CDH8: variants seen among roughly 807,000 people sequenced by gnomAD.
CDH8 encodes cadherin 8.
A neutral mutation model predicts 68.1 loss-of-function variants in CDH8; 17 were observed. That is an observed-to-expected ratio of 0.25 (90% CI 0.17 to 0.37). The LOEUF (loss-of-function observed/expected upper bound fraction) is 0.37. Among genes scored for constraint, CDH8 ranks in the 10% least tolerant of loss-of-function variants. The probability of loss-of-function intolerance (pLI) is 1.00; values close to 1 mark genes in which losing one functional copy is unlikely to be tolerated. For synonymous variants in CDH8, 372 were observed against 365.1 expected (o/e 1.02, Z -0.21); for missense variants, 763 against 999.3 (o/e 0.76, Z 3.19).
intron 1 of CDH8, among the ~76,000 whole-genome samples, chr16:62,025,440 G>A (rs1438982638): frequency 6.6e-6 from 1 of 152,072 alleles, no homozygotes. Flanking sequence ...GGTGTGAGGG[G>A]CAACTGAGTG....
intron 2 of CDH8, among the ~76,000 whole-genome samples, chr16:62,013,956 G>A (rs1045368944): frequency 6.6e-6 from 1 of 152,146 alleles, no homozygotes; most frequent in Non-Finnish European, 1.5e-5. Context: ...AAATATGCAA[G>A]ATTCTTCTTA....
At chr16:62,027,397 T>G (rs1902220481) in intron 1 of CDH8, among the ~76,000 whole-genome samples, 1 of 152,178 alleles carries the variant, frequency 6.6e-6, no homozygotes, top group African/African-American at 2.4e-5. Flanking sequence ...AAGTTCAAAA[T>G]GATGAACAAC....
At chr16:61,781,490 T>A (rs984085090) in intron 8 of CDH8, among the ~76,000 whole-genome samples, 1 of 152,208 alleles carries the variant, frequency 6.6e-6, no homozygotes, top group Non-Finnish European at 1.5e-5. Context: ...GCATGATGGC[T>A]TGTGCCTGTA....
Position 61,766,102 on chromosome 16 carries a change from A to G in CDH8, c.1414+23244T>C, listed in dbSNP as rs11075439. Among the ~76,000 whole-genome samples, 3,412 of 152,052 alleles carry G rather than the reference A, an allele frequency of 0.022. 265 individuals are homozygous for G. The East Asian group carries it at 0.24, about 11-fold the overall frequency. On this transcript the variant is annotated intron_variant, in intron 8 of 11. Transcript: ENST00000577390. ...TGCAACCATCACCCAAGTAGTGTAC[A>G]TTGTACCCAATAGGTAGTGTTTTGT...
intron 10 of CDH8, among the ~76,000 whole-genome samples, chr16:61,713,042 A>G (rs1038817082): frequency 2.6e-5 from 4 of 151,788 alleles, no homozygotes; most frequent in Non-Finnish European, 3.0e-5. Flanking sequence ...AGCCTGAGAC[A>G]TTGCTTATAT....
intron 3 of CDH8, among the ~76,000 whole-genome samples, chr16:61,864,292 C>CGGTTGGTTGGTT (rs59862418): frequency 2.1e-5 from 3 of 146,096 alleles, no homozygotes; most frequent in Non-Finnish European, 3.0e-5. Context: ...GCTGGATGTC[C>CGGTTGGTTGGTT]GGTTGGTTGG....
chr16:61,989,251 T>C (rs1965676930), intron 2 of CDH8, among the ~76,000 whole-genome samples: 1 of 152,216 alleles, frequency 6.6e-6, no homozygotes, highest in African/African-American at 2.4e-5. Context: ...GGTAACGACA[T>C]GCTTTTGGTA....
intron 4 of CDH8, 143 bp downstream of exon 4, chr16:61,856,976 G>A: frequency 1.1e-6 from 1 of 935,282 alleles, no homozygotes; most frequent in Non-Finnish European, 1.7e-6. Context: ...AGGGCTCACT[G>A]TGTACCTCAT....
At chr16:62,002,565 A>G (rs1227075040) in intron 2 of CDH8, among the ~76,000 whole-genome samples, 1 of 152,226 alleles carries the variant, frequency 6.6e-6, no homozygotes, top group Non-Finnish European at 1.5e-5. Context: ...CATTAGCATT[A>G]TTGATGGTAA....
At chr16:61,733,140 G>A (rs932180037) in intron 8 of CDH8, among the ~76,000 whole-genome samples, 1 of 151,698 alleles carries the variant, frequency 6.6e-6, no homozygotes, top group Non-Finnish European at 1.5e-5. Context: ...GGAGGGGAAG[G>A]CAATAGAACT....
chr16:61,736,116 G>GAAAGAAAGAAAGAAAGAAAGA (rs1567446500), intron 8 of CDH8, among the ~76,000 whole-genome samples: 1 of 74,764 alleles, frequency 1.3e-5, no homozygotes, highest in African/African-American at 6.5e-5. Context: ...AGAAAGAAAG[G>GAAAGAAAGAAAGAAAGAAAGA]AAGGAAGGAA....
At chr16:61,860,951 C>G (rs929127474) in intron 3 of CDH8, among the ~76,000 whole-genome samples, 2 of 152,170 alleles carry the variant, frequency 1.3e-5, no homozygotes, top group African/African-American at 2.4e-5. Flanking sequence ...AAACGCTTAT[C>G]TGTTTCTTTG....
chr16:61,730,943 C>G (rs1959516654), intron 8 of CDH8, among the ~76,000 whole-genome samples: 1 of 151,516 alleles, frequency 6.6e-6, no homozygotes, highest in Admixed American at 6.6e-5. Context: ...TCCAGAAAAA[C>G]TGGTGAAAGT....
intron 2 of CDH8, among the ~76,000 whole-genome samples, chr16:61,973,539 C>T (rs1965381521): frequency 6.6e-6 from 1 of 152,162 alleles, no homozygotes; most frequent in Admixed American, 6.5e-5. Context: ...TCTTCAGAGT[C>T]CTGAATCAGG....
At chr16:61,806,405 GC>G (rs1174068368) in intron 7 of CDH8, among the ~76,000 whole-genome samples, 20 of 124,852 alleles carry the variant, frequency 1.6e-4, no homozygotes, top group African/African-American at 4.9e-4. Context: ...CAGGACATAG[GC>G]ATGGGCAAGG....
intron 2 of CDH8, among the ~76,000 whole-genome samples, chr16:61,906,852 C>T (rs1418020196): frequency 6.6e-6 from 1 of 152,158 alleles, no homozygotes; most frequent in Non-Finnish European, 1.5e-5. Flanking sequence ...CATTTCCTCA[C>T]ATATGTATTC....
chr16:61,914,694 G>A (rs1964210676), intron 2 of CDH8, among the ~76,000 whole-genome samples: 1 of 150,554 alleles, frequency 6.6e-6, no homozygotes, highest in African/African-American at 2.4e-5. Flanking sequence ...TGCACGTTGT[G>A]CACATGTACC....
intron 2 of CDH8, among the ~76,000 whole-genome samples, chr16:61,901,863 A>G (rs1159342690): frequency 3.3e-5 from 5 of 152,152 alleles, no homozygotes; most frequent in African/African-American, 9.7e-5. Context: ...ATCACTTCTC[A>G]TATAATCATA....
rs146008984 is a variant in CDH8, at chr16:62,034,062, G to A, written c.-200+2018C>T. Among the ~76,000 whole-genome samples the A allele has an allele frequency of 4.6e-3, 700 of 152,218 alleles. 5 individuals are homozygous for A. Among genetic ancestry groups the A allele is most frequent in the African/African-American group, 0.016 (659 of 41,516 alleles). On this transcript the variant is annotated intron_variant, in intron 1 of 11. Transcript: ENST00000577390. Reference sequence around the variant, plus strand: ...GAAGTGGAAAAACATGTCTGGACATGATGATTATGGAGAACTCCCTTTAAG... The same window carrying A: ...GAAGTGGAAAAACATGTCTGGACATAATGATTATGGAGAACTCCCTTTAAG...
Sources: gnomAD v4.1 joint callset for allele counts (sites outside exome capture counted in the v4.1 genomes callset) on GRCh38, gnomAD v4.1.1 for gene constraint, MANE v1.5 for transcripts, NCBI Gene and HGNC (gene_info 2026-07-23, HGNC 2026-07-21) for gene names.